Variants in ATP13A4 observed in about 807,000 individuals in gnomAD.
ATP13A4 encodes probable cation-transporting ATPase 13A4.
Under a neutral mutation model 142.5 loss-of-function variants are expected in ATP13A4, and 114 were observed. That is an observed-to-expected ratio of 0.80 (90% CI 0.69 to 0.93). ATP13A4 has a LOEUF of 0.93. Among genes scored for constraint, ATP13A4 ranks in the 40% least tolerant of loss-of-function variants. The probability of loss-of-function intolerance (pLI) is 0.00; values close to 1 mark genes in which losing one functional copy is unlikely to be tolerated. For synonymous variants in ATP13A4, 488 were observed against 514.8 expected, an observed-to-expected ratio of 0.95 and a Z score of 0.70; for missense variants, 1,392 against 1,454.0, an observed-to-expected ratio of 0.96 and a Z score of 0.69.
intron 2 of ATP13A4, among the ~76,000 whole-genome samples, chr3:193,504,590 C>G (rs918356586): frequency 6.6e-6 from 1 of 152,106 alleles, no homozygotes; most frequent in Non-Finnish European, 1.5e-5. Context: ...GTCACCTCCC[C>G]ACTCCTGCTT....
intron 2 of ATP13A4, among the ~76,000 whole-genome samples, chr3:193,577,712 A>T (rs1256697428): frequency 6.6e-6 from 1 of 152,232 alleles, no homozygotes; most frequent in Non-Finnish European, 1.5e-5. Context: ...GGGTGAGTGC[A>T]AGAGCACAGT....
rs546268359 is a variant in ATP13A4 at position 193,591,285 on chromosome 3, G to A, written n.91+1736C>T. On this transcript the variant is annotated intron_variant and non_coding_transcript_variant, in intron 1 of 3. Transcript: ENST00000489140. ...CCTGACCTCGTGATCTGCCTTCCTC[G>A]GCCTCCCAAAGTGCTGGGATTACAG... is the stretch of plus-strand genomic sequence containing the variant. Among the ~76,000 whole-genome samples the A allele has an allele frequency of 1.6e-3, 236 of 152,212 alleles. 1 individual carries two copies. The highest frequency in any genetic ancestry group is 2.7e-3 in the Non-Finnish European group (181 of 68,012).
chr3:193,578,339 A>ATATCTATATCTATATCTATATCTATATC (rs1560289051), intron 2 of ATP13A4, among the ~76,000 whole-genome samples: 1 of 134,094 alleles, frequency 7.5e-6, no homozygotes, highest in African/African-American at 2.8e-5. Flanking sequence ...ATCTATATCT[A>ATATCTATATCTATATCTATATCTATATC]TATCTATCTA....
At chr3:193,443,767 A>G (rs761217984) in intron 18 of ATP13A4, among the ~76,000 whole-genome samples, 43 of 152,200 alleles carry the variant, frequency 2.8e-4, no homozygotes, top group Non-Finnish European at 6.2e-4. Context: ...GAAAGACGGA[A>G]GTTCTCAACA....
intron 8 of ATP13A4, among the ~76,000 whole-genome samples, chr3:193,471,852 A>G (rs981177942): frequency 1.3e-5 from 2 of 152,130 alleles, no homozygotes; most frequent in African/African-American, 4.8e-5. Context: ...GGCCTGTGCA[A>G]GATAGGCATT....
chr3:193,540,429 T>C (rs1488605528), intron 1 of ATP13A4, among the ~76,000 whole-genome samples: 1 of 148,542 alleles, frequency 6.7e-6, no homozygotes, highest in Admixed American at 6.9e-5. Context: ...AGCTCCACCT[T>C]AGATCTTTAC....
chr3:193,524,783 A>C (rs1002561124), intron 1 of ATP13A4, among the ~76,000 whole-genome samples: 1 of 152,218 alleles, frequency 6.6e-6, no homozygotes, highest in African/African-American at 2.4e-5. Context: ...AGTTATTCAA[A>C]TATAAGTTGT....
intron 2 of ATP13A4, among the ~76,000 whole-genome samples, chr3:193,561,287 C>G (rs958854725): frequency 1.3e-5 from 2 of 152,234 alleles, no homozygotes; most frequent in Admixed American, 6.5e-5. Context: ...GACCCAGGAA[C>G]TGGGCTGAGG....
In ATP13A4 at chr3:193,530,846, A is replaced by G. The variant is rs368273594; in HGVS notation, c.61-15975T>C. 4.1e-4 allele frequency among the ~76,000 whole-genome samples: 62 copies of G among 152,192 alleles called. No individual in the cohort carries two copies. The South Asian group carries it at 0.012, about 31-fold the overall frequency. ...TTTACATCTCTTTAGAACAGCACAT[A>G]AAGTTCTTCCTAATCTTCCCTACAA... On this transcript the variant is annotated intron_variant, in intron 1 of 29. Coordinates refer to ENST00000342695, the MANE Select transcript of ATP13A4 (RefSeq NM_032279.4).
intron 2 of ATP13A4, among the ~76,000 whole-genome samples, chr3:193,562,750 A>T (rs1253314579): frequency 6.6e-6 from 1 of 152,060 alleles, no homozygotes; most frequent in East Asian, 1.9e-4. Flanking sequence ...AGACACCTGT[A>T]CTCCCAGCTA....
chr3:193,443,853 A>G (rs549396170), intron 18 of ATP13A4, among the ~76,000 whole-genome samples: 110 of 152,350 alleles, frequency 7.2e-4, no homozygotes, highest in Non-Finnish European at 9.6e-4. Flanking sequence ...ATTTAAAAAA[A>G]TCACTGAATG....
intron 23 of ATP13A4, among the ~76,000 whole-genome samples, chr3:193,437,999 T>C (rs1021483289): frequency 1.3e-5 from 2 of 151,946 alleles, no homozygotes; most frequent in Admixed American, 6.6e-5. Flanking sequence ...GCCCAGCTAA[T>C]TTTTTGGTAT....
chr3:193,564,672 T>C lies in ATP13A4; in HGVS notation n.291+17035A>G, dbSNP rs80152447. ...AAGTAGAAAAGAGTATGAGCTATAA[T>C]GTCAGATAGTTTGGGCTCTAATTAT... On this transcript the variant is annotated intron_variant and non_coding_transcript_variant, in intron 2 of 3. Transcript: ENST00000489140. 6.8e-3 allele frequency among the ~76,000 whole-genome samples: 1,031 copies of C among 152,330 alleles called. 12 individuals carry two copies. The highest frequency in any genetic ancestry group is 0.024 in the African/African-American group (990 of 41,570).
At chr3:193,443,481 C>T (rs1229320732) in intron 18 of ATP13A4, among the ~76,000 whole-genome samples, 2 of 151,794 alleles carry the variant, frequency 1.3e-5, no homozygotes, top group East Asian at 1.9e-4. Flanking sequence ...AAAGATAGAA[C>T]TTATGGTTGA....
chr3:193,560,601 C>A (rs75658823), intron 2 of ATP13A4, among the ~76,000 whole-genome samples: 5,205 of 152,232 alleles, frequency 0.034, 101 homozygotes, highest in East Asian at 0.048. Flanking sequence ...GCATAGATTT[C>A]AATAGAACTT....
At chr3:193,467,128 G>T (rs964773396) in intron 10 of ATP13A4, among the ~76,000 whole-genome samples, 188 bp downstream of exon 10, 2 of 151,922 alleles carry the variant, frequency 1.3e-5, no homozygotes, top group Non-Finnish European at 2.9e-5. Flanking sequence ...CACATGGCAG[G>T]CCTGTGTCAA....
At chr3:193,458,874 T>TA in intron 14 of ATP13A4, 1 of 673,748 alleles carries the variant, frequency 1.5e-6, no homozygotes, top group Non-Finnish European at 2.6e-6. Flanking sequence ...TCATCTCATT[T>TA]AATCCTCACA....
chr3:193,478,715 T>C (rs1481148067), intron 8 of ATP13A4, among the ~76,000 whole-genome samples: 2 of 152,116 alleles, frequency 1.3e-5, no homozygotes, highest in African/African-American at 4.8e-5. Context: ...ATCAATTCTA[T>C]TGACACTATT....
chr3:193,490,785 G>A (rs928311671), intron 6 of ATP13A4, among the ~76,000 whole-genome samples: 16 of 152,066 alleles, frequency 1.1e-4, no homozygotes, highest in South Asian at 4.1e-4. Context: ...AGGAGGAGTC[G>A]AGAGAGAGCA....
Sources: allele counts gnomAD v4.1 joint callset (sites outside exome capture counted in the v4.1 genomes callset), GRCh38; gene constraint gnomAD v4.1.1; transcripts MANE v1.5; gene names NCBI Gene and HGNC (gene_info 2026-07-23, HGNC 2026-07-21).